Variants in SOAT1 observed in about 807,000 individuals in gnomAD.
SOAT1 encodes sterol O-acyltransferase 1.
In SOAT1, 55 loss-of-function variants were observed where a neutral mutation model predicts 69.5. That is an observed-to-expected ratio of 0.79 (90% CI 0.64 to 0.99). The LOEUF is 0.99. Ranked by LOEUF, SOAT1 falls within the 50% of genes least tolerant of loss-of-function variation. The probability of loss-of-function intolerance (pLI) is 0.00; values close to 1 mark genes in which losing one functional copy is unlikely to be tolerated. For missense variants in SOAT1, 580 were observed against 669.3 expected (o/e 0.87, Z 1.47); for synonymous variants, 231 against 224.7 (o/e 1.03, Z -0.25).
At chr1:179,324,750 A>G (rs1665719732) in intron 3 of SOAT1, among the ~76,000 whole-genome samples, 1 of 150,758 alleles carries the variant, frequency 6.6e-6, no homozygotes, top group Non-Finnish European at 1.5e-5. Flanking sequence ...TGACTAACTT[A>G]TAATTTTGGC....
At chr1:179,313,384 A>G (rs1665282682) in intron 2 of SOAT1, among the ~76,000 whole-genome samples, 1 of 142,466 alleles carries the variant, frequency 7.0e-6, no homozygotes, top group Admixed American at 7.7e-5. Context: ...TGGATTGAGA[A>G]ACACTATAGT....
rs766940039 is a variant in SOAT1 at position 179,350,327 on chromosome 1, T to A, written c.1346T>A (p.Met449Lys). 1 of 1,613,642 alleles carries A rather than the reference T, an allele frequency of 6.2e-7. No individual in the cohort carries two copies. Among genetic ancestry groups the A allele is most frequent in the Non-Finnish European group, 8.5e-7 (1 of 1,179,886 alleles). ...TCCAAGAGATTCAAATCTGCTGCCA[T>A]GTTAGCTGTCTTTGCTGTATCTGCT... is the stretch of plus-strand genomic sequence containing the variant. ...FFSKRFKSAAMLAVFAVSAVV... is the reference protein window; with the variant it reads ...FFSKRFKSAAKLAVFAVSAVV... Residue 449 changes from methionine (M) to lysine (K), a missense_variant, in exon 14 of 16, where the codon ATG becomes AAG. Met to Lys is a moderately conservative substitution (Grantham distance 95, BLOSUM62 -1). Coordinates refer to ENST00000367619, the MANE Select transcript of SOAT1 (RefSeq NM_003101.6).
At chr1:179,337,562 T>C (rs567277031) in intron 4 of SOAT1, among the ~76,000 whole-genome samples, 6 of 152,226 alleles carry the variant, frequency 3.9e-5, no homozygotes, top group South Asian at 2.1e-4. Context: ...CCAAAGTCCA[T>C]AGGGGCTGGG....
chr1:179,301,176 TCCC>T (rs1251926578), intron 1 of SOAT1, among the ~76,000 whole-genome samples: 2 of 152,160 alleles, frequency 1.3e-5, no homozygotes, highest in East Asian at 3.8e-4. Context: ...CAAGTCATCC[TCCC>T]GCCTGAGCCT....
At chr1:179,332,182 C>A (rs1053749016) in intron 3 of SOAT1, among the ~76,000 whole-genome samples, 1 of 152,152 alleles carries the variant, frequency 6.6e-6, no homozygotes, top group South Asian at 2.1e-4. Flanking sequence ...TGCCTGGAAG[C>A]CTTTTTAGGT....
intron 13 of SOAT1, 144 bp from the exon 14 acceptor site, chr1:179,350,150 TAG>T (rs1177162872): frequency 2.2e-5 from 13 of 589,360 alleles, no homozygotes; most frequent in Non-Finnish European, 3.2e-5. Context: ...GTTATTTTAA[TAG>T]ACTTGGATTA....
At position 179,341,275 on chromosome 1, in the gene SOAT1, C is replaced by A; in HGVS notation, c.745C>A (p.Pro249Thr). 1 of 1,614,086 alleles carries A rather than the reference C, an allele frequency of 6.2e-7. No homozygotes were observed. The highest frequency in any genetic ancestry group is 8.5e-7 in the Non-Finnish European group (1 of 1,180,010). The change falls in exon 7 of 16, where the codon CCA (proline) becomes ACA (threonine). Residue 249 changes from proline to threonine, a missense_variant. Physicochemically the swap from Pro to Thr is conservative, Grantham distance 38. Coordinates refer to ENST00000367619, the MANE Select transcript of SOAT1 (RefSeq NM_003101.6). ...PTYVVLAYTL[P>T]PASRFIIIFE... ...ATATGTTGTGTTAGCATATACACTGCCACCAGCTTCCCGGTTCATCATTAT... is the reference window on the plus strand; with the variant it reads ...ATATGTTGTGTTAGCATATACACTGACACCAGCTTCCCGGTTCATCATTAT...
chr1:179,317,532 C>A (rs1189208196), intron 2 of SOAT1, among the ~76,000 whole-genome samples: 1,786 of 105,244 alleles, frequency 0.017, 1 homozygote, highest in African/African-American at 0.021. Context: ...GACTCCGTCT[C>A]AAAAAAAAAA....
Position 179,342,095 on chromosome 1 carries a change from T to C in SOAT1, c.781-19T>C. On this transcript the variant is annotated intron_variant, in intron 7 of 15. Transcript: ENST00000367619. ...GAGACTTTCTTTGAAGAGACATCTT[T>C]TTCCTCCTGCTTTTGTAGATTCGTT... The C allele has an allele frequency of 6.2e-7, 1 of 1,613,344 alleles. No individual in the cohort carries two copies.
At chr1:179,346,414 T>A (rs1481517096) in intron 11 of SOAT1, among the ~76,000 whole-genome samples, 1 of 152,224 alleles carries the variant, frequency 6.6e-6, no homozygotes, top group Admixed American at 6.5e-5. Context: ...ACAAAATGCT[T>A]ATGGCCTTTG....
chr1:179,295,909 TCCG>T (rs1664617365), intron 1 of SOAT1, among the ~76,000 whole-genome samples: 2 of 52,578 alleles, frequency 3.8e-5, no homozygotes, highest in African/African-American at 1.3e-4. Context: ...CAAGCGATTC[TCCG>T]CCTCAGCCTC....
intron 7 of SOAT1, 112 bp downstream of exon 7, chr1:179,341,422 A>T: frequency 9.0e-7 from 1 of 1,111,898 alleles, no homozygotes; most frequent in Non-Finnish European, 1.3e-6. Context: ...ATAAATTTTC[A>T]TATATTGTTC....
At chr1:179,309,857 A>G (rs2124945385) in intron 2 of SOAT1, among the ~76,000 whole-genome samples, 1 of 63,766 alleles carries the variant, frequency 1.6e-5, no homozygotes, top group East Asian at 5.1e-4. Flanking sequence ...ATATTCTTTT[A>G]ATTGTTATAA....
chr1:179,356,813 A>G lies in SOAT1; in HGVS notation c.*3172A>G, dbSNP rs1478975700. 4 of 150,724 alleles carry G rather than the reference A, an allele frequency of 2.7e-5. No homozygotes were observed. The allele number at this position is 150,724 out of a possible 1,614,324, so 9.3% of individuals were successfully genotyped here. A position where few individuals can be genotyped will look rare whatever the true frequency, so the allele number is the denominator to read the frequency against. On this transcript the variant is annotated 3_prime_UTR_variant, in exon 16 of 16. Transcript: ENST00000367619. ...ACTCAAATAGTGCTCTGGAGTACCT[A>G]GAACTACAAGTGCCTACCACCACAC...
chr1:179,337,763 C>T, intron 4 of SOAT1, 74 bp from the exon 5 acceptor site: 3 of 1,098,606 alleles, frequency 2.7e-6, no homozygotes, highest in Non-Finnish European at 4.0e-6. Context: ...TTGGTATATT[C>T]TCTTGTCTGT....
At chr1:179,345,448 C>G (rs141431880) in intron 11 of SOAT1, among the ~76,000 whole-genome samples, 50 of 152,314 alleles carry the variant, frequency 3.3e-4, no homozygotes, top group Middle Eastern at 6.8e-3. Context: ...TACTAGTAAT[C>G]CATATTCTAA....
chr1:179,313,159 T>C (rs1445818482), intron 2 of SOAT1, among the ~76,000 whole-genome samples: 2 of 152,246 alleles, frequency 1.3e-5, no homozygotes, highest in East Asian at 3.8e-4. Context: ...TAGAACAAAG[T>C]TGGCAAACGT....
chr1:179,349,345 T>TG (rs59224937), intron 13 of SOAT1, among the ~76,000 whole-genome samples: 15,917 of 149,202 alleles, frequency 0.11, 1,305 homozygotes, highest in African/African-American at 0.23. Context: ...TTTTTTTTTT[T>TG]TGAGAGAGTT....
intron 4 of SOAT1, among the ~76,000 whole-genome samples, chr1:179,335,990 TTTG>T (rs1558052271): frequency 6.6e-6 from 1 of 152,006 alleles, no homozygotes; most frequent in East Asian, 1.9e-4. Flanking sequence ...TATTTAACCA[TTTG>T]TCTCTACTAA....
Sources: allele counts gnomAD v4.1 joint callset (sites outside exome capture counted in the v4.1 genomes callset), GRCh38; gene constraint gnomAD v4.1.1; transcripts MANE v1.5; gene names NCBI Gene and HGNC (gene_info 2026-07-23, HGNC 2026-07-21).